The following TRAPPC12 variants were observed in gnomAD, a reference collection of about 807,000 sequenced individuals.
The protein encoded by TRAPPC12 is trafficking protein particle complex subunit 12, also known as TPR repeat protein 15.
TRAPPC12 carries 61 observed loss-of-function variants against 69.2 expected under a neutral mutation model. The ratio of observed to expected loss-of-function variants is 0.88; its 90% CI spans 0.72 to 1.09. The LOEUF (loss-of-function observed/expected upper bound fraction) is 1.09. Among genes scored for constraint, TRAPPC12 ranks in the 50% least tolerant of loss-of-function variants. The pLI, the probability that TRAPPC12 is intolerant of heterozygous loss-of-function variation, is 0.00. For synonymous variants in TRAPPC12, 469 were observed against 438.9 expected, an observed-to-expected ratio of 1.07 and a Z score of -0.86; for missense variants, 1,101 against 1,016.4, an observed-to-expected ratio of 1.08 and a Z score of -1.13.
At chr2:3,443,686 T>C in intron 5 of TRAPPC12, 93 bp from the exon 6 acceptor site, 2 of 881,842 alleles carry the variant, frequency 2.3e-6, no homozygotes, top group South Asian at 1.4e-5. Context: ...TCACTTCTGC[T>C]GGGACATCTG....
intron 9 of TRAPPC12, among the ~76,000 whole-genome samples, chr2:3,467,033 C>T (rs1457557646): frequency 6.6e-6 from 1 of 152,184 alleles, no homozygotes; most frequent in South Asian, 2.1e-4. Context: ...TGCTGAATTG[C>T]TTTTGCGTCT....
At chr2:3,388,741 T>C in intron 2 of TRAPPC12, 71 bp downstream of exon 2, 1 of 1,389,868 alleles carries the variant, frequency 7.2e-7, no homozygotes, top group Non-Finnish European at 9.5e-7. Context: ...ACAGTGCCCC[T>C]TTAGGGATGG....
intron 7 of TRAPPC12, chr2:3,458,226 A>G (rs989961191): frequency 2.3e-4 from 229 of 988,528 alleles, no homozygotes; most frequent in Non-Finnish European, 2.7e-4. Context: ...CTGCACAGTG[A>G]GGCCATGCCA....
chr2:3,388,891 T>C, intron 2 of TRAPPC12: 1 of 481,670 alleles, frequency 2.1e-6, no homozygotes, highest in East Asian at 3.4e-5. Flanking sequence ...GAGGTAGAAA[T>C]AAATACCACC....
chr2:3,447,898 A>G (rs527767203), intron 6 of TRAPPC12, among the ~76,000 whole-genome samples: 1 of 152,280 alleles, frequency 6.6e-6, no homozygotes, highest in Non-Finnish European at 1.5e-5. Flanking sequence ...ATCCTCAGGA[A>G]GTCTTAAACT....
chr2:3,396,179 A>G (rs765153565), intron 2 of TRAPPC12, among the ~76,000 whole-genome samples: 1 of 152,066 alleles, frequency 6.6e-6, no homozygotes, highest in Non-Finnish European at 1.5e-5. Flanking sequence ...CTTCGTTATT[A>G]AAGTTTATTT....
At chr2:3,420,680 G>C (rs1662729702) in intron 3 of TRAPPC12, among the ~76,000 whole-genome samples, 2 of 152,180 alleles carry the variant, frequency 1.3e-5, no homozygotes, top group South Asian at 4.1e-4. Flanking sequence ...GCCTGAGGAA[G>C]CCCAAATAAA....
At chr2:3,447,472 AGAG>A (rs531283943) in intron 6 of TRAPPC12, among the ~76,000 whole-genome samples, 3 of 152,288 alleles carry the variant, frequency 2.0e-5, no homozygotes, top group South Asian at 2.1e-4. Context: ...GCGAGAGAGA[AGAG>A]GAGGAGGAGG....
chr2:3,417,615 T>C (rs958745849), intron 3 of TRAPPC12, among the ~76,000 whole-genome samples: 6 of 152,162 alleles, frequency 3.9e-5, no homozygotes. Flanking sequence ...GCACAGTGCC[T>C]GGTTCACAGC....
chr2:3,472,463 T>G (rs11678655), intron 9 of TRAPPC12: 45,849 of 152,012 alleles, frequency 0.3, 7,203 homozygotes, highest in East Asian at 0.4. Flanking sequence ...AGAGACTGAC[T>G]TCTGGCTGCC....
intron 7 of TRAPPC12, chr2:3,458,432 G>C: frequency 1.0e-6 from 1 of 986,076 alleles, no homozygotes; most frequent in Non-Finnish European, 1.2e-6. Flanking sequence ...TGCAGCCCAA[G>C]TCAAGATCGG....
intron 6 of TRAPPC12, among the ~76,000 whole-genome samples, chr2:3,449,794 T>A (rs1664754413): frequency 1.3e-5 from 2 of 152,114 alleles, no homozygotes; most frequent in Non-Finnish European, 2.9e-5. Context: ...CCCAGAGGGT[T>A]TGGTTGCCCT....
At chr2:3,448,023 G>A (rs1323697310) in intron 6 of TRAPPC12, among the ~76,000 whole-genome samples, 3 of 152,228 alleles carry the variant, frequency 2.0e-5, no homozygotes, top group African/African-American at 4.8e-5. Context: ...CTCAGGACAC[G>A]TGCTGTGTGT....
chr2:3,394,757 T>C (rs1296510814), intron 2 of TRAPPC12, among the ~76,000 whole-genome samples: 2 of 152,214 alleles, frequency 1.3e-5, no homozygotes, highest in African/African-American at 2.4e-5. Flanking sequence ...TGCTGATAAC[T>C]GAATTCCCAC....
intron 3 of TRAPPC12, among the ~76,000 whole-genome samples, chr2:3,419,543 G>A (rs755238913): frequency 2.0e-5 from 3 of 151,050 alleles, no homozygotes; most frequent in African/African-American, 4.9e-5. Flanking sequence ...CTTCACCGTC[G>A]ATCAGTGGTT....
intron 9 of TRAPPC12, among the ~76,000 whole-genome samples, chr2:3,476,489 C>CTACT (rs1666295665): frequency 6.6e-6 from 1 of 152,172 alleles, no homozygotes; most frequent in African/African-American, 2.4e-5. Flanking sequence ...CAAATCCTTG[C>CTACT]TACTGGGAGG....
intron 7 of TRAPPC12, chr2:3,458,265 G>T: frequency 1.0e-6 from 1 of 987,040 alleles, no homozygotes; most frequent in African/African-American, 1.7e-5. Context: ...CGTTAGCCAG[G>T]AGCAAGCTTC....
chr2:3,392,031 G>A (rs564977186), intron 2 of TRAPPC12, among the ~76,000 whole-genome samples: 10 of 152,180 alleles, frequency 6.6e-5, no homozygotes, highest in Non-Finnish European at 1.5e-4. Context: ...GCAGTCCAAC[G>A]GTCTTAGGTA....
chr2:3,467,538 A>T (rs1320323312), intron 9 of TRAPPC12: 1 of 152,238 alleles, frequency 6.6e-6, no homozygotes, highest in African/African-American at 2.4e-5. Flanking sequence ...CTGCATTGCC[A>T]TCTGCACATA....
Sources: gnomAD v4.1 joint callset for allele counts (sites outside exome capture counted in the v4.1 genomes callset) on GRCh38, gnomAD v4.1.1 for gene constraint, MANE v1.5 for transcripts, NCBI Gene and HGNC (gene_info 2026-07-23, HGNC 2026-07-21) for gene names.